Variants in WHRN observed in about 807,000 individuals in gnomAD.
WHRN encodes the protein CASK-interacting protein CIP98.
In WHRN, 41 loss-of-function variants were observed where a neutral mutation model predicts 68.3. The ratio of observed to expected loss-of-function variants is 0.60; its 90% CI spans 0.47 to 0.78. The LOEUF is 0.78. WHRN is among the 30% of genes least tolerant of loss of function. WHRN has a pLI of 0.00. For missense variants in WHRN, 1,243 were observed against 1,244.7 expected, an observed-to-expected ratio of 1.00 and a Z score of 0.02; for synonymous variants, 560 against 561.3, an observed-to-expected ratio of 1.00 and a Z score of 0.03.
At chr9:114,421,521 C>G (rs774681788) in intron 7 of WHRN, among the ~76,000 whole-genome samples, 4 of 152,208 alleles carry the variant, frequency 2.6e-5, no homozygotes, top group Non-Finnish European at 5.9e-5. Flanking sequence ...GCCTCCCAGA[C>G]CAAAACACAT....
chr9:114,499,610 G>A (rs1179459513), intron 1 of WHRN, among the ~76,000 whole-genome samples: 1 of 152,226 alleles, frequency 6.6e-6, no homozygotes, highest in Admixed American at 6.5e-5. Context: ...GCCCTTTGCA[G>A]GATGGAGGGG....
chr9:114,425,483 A>C, intron 4 of WHRN: 1 of 396,644 alleles, frequency 2.5e-6, no homozygotes, highest in Non-Finnish European at 4.5e-6. Context: ...AGCATCCAGA[A>C]ATCCAGTTTT....
Position 114,505,082 on chromosome 9 carries a change from C to T in WHRN, c.-281G>A. On this transcript the variant is annotated 5_prime_UTR_variant, in exon 1 of 12. Transcript: ENST00000362057. ...AGACACAAGAGTTGGCTGCTGGAGC[C>T]CGGAGGTGGCGGAGACTGCTGCTGG... 2 of 387,838 alleles carry T rather than the reference C, an allele frequency of 5.2e-6. No individual in the cohort carries two copies. Among genetic ancestry groups the T allele is most frequent in the Non-Finnish European group, 8.9e-6 (2 of 224,132 alleles). 24.0% of individuals were successfully genotyped at this position (387,838 alleles called of 1,614,324 possible). A position where few individuals can be genotyped will look rare whatever the true frequency, so the allele number is the denominator to read the frequency against.
intron 3 of WHRN, among the ~76,000 whole-genome samples, chr9:114,445,262 A>C (rs890758590): frequency 6.6e-6 from 1 of 152,042 alleles, no homozygotes; most frequent in Non-Finnish European, 1.5e-5. Context: ...GGCTAGTCTC[A>C]AACTCCTGAC....
intron 1 of WHRN, among the ~76,000 whole-genome samples, chr9:114,482,683 T>TAA (rs1329761041): frequency 6.9e-6 from 1 of 145,966 alleles, no homozygotes; most frequent in African/African-American, 2.5e-5. Context: ...CCAAGGAGTT[T>TAA]AAAAAAAAAA....
intron 7 of WHRN, among the ~76,000 whole-genome samples, chr9:114,411,734 G>T (rs1835452069): frequency 6.6e-6 from 1 of 152,170 alleles, no homozygotes; most frequent in African/African-American, 2.4e-5. Context: ...ACCCTGTGAG[G>T]CAGGCACTAG....
intron 7 of WHRN, among the ~76,000 whole-genome samples, chr9:114,413,384 G>A (rs1002999000): frequency 3.9e-5 from 6 of 152,210 alleles, no homozygotes; most frequent in Admixed American, 6.5e-5. Flanking sequence ...GAAAGGCTAC[G>A]GGGGTAGGGA....
At position 114,504,769 on chromosome 9, in the gene WHRN, G is replaced by A; in HGVS notation, c.33C>T (p.Ser11=). 1.3e-6 allele frequency: 2 copies of A among 1,495,930 alleles called. No individual in the cohort carries two copies. The highest frequency in any genetic ancestry group is 1.8e-6 in the Non-Finnish European group (2 of 1,133,824). The allele number at this position is 1,495,930 out of a possible 1,614,324, so 92.7% of individuals were successfully genotyped here. The change falls in exon 1 of 12, where the codon AGC becomes AGT. Residue 11 remains serine, a synonymous_variant. Coordinates refer to ENST00000362057, the MANE Select transcript of WHRN (RefSeq NM_015404.4). The stretch of plus-strand genomic sequence containing the variant: ...AGCCCAGCGAGCCGGTGGAGGACGA[G>A]CTCACCGACAGGCCGTCCAGCGGCG... MNAPLDGLSV[S]SSSTGSLGSA... is the part of the protein sequence containing the mutation.
At chr9:114,493,373 T>TGG (rs1445353883) in intron 1 of WHRN, among the ~76,000 whole-genome samples, 13 of 13,048 alleles carry the variant, frequency 1.0e-3, no homozygotes, top group South Asian at 7.8e-3. Context: ...AAAAAAAAAG[T>TGG]GGGGGTGGGG....
rs760261757 is a variant in WHRN at position 114,504,767 on chromosome 9, G to A, written c.35C>T (p.Ser12Leu). 2.2e-5 allele frequency: 33 copies of A among 1,499,686 alleles called. No homozygotes were observed. The highest frequency in any genetic ancestry group is 4.5e-5 in the Admixed American group (2 of 44,646). 92.9% of individuals were successfully genotyped at this position (1,499,686 alleles called of 1,614,324 possible). A position where few individuals can be genotyped will look rare whatever the true frequency, so the allele number is the denominator to read the frequency against. ...NAPLDGLSVSSSSTGSLGSAA... is the reference protein window; with the variant it reads ...NAPLDGLSVSLSSTGSLGSAA... ...CGAGCCCAGCGAGCCGGTGGAGGAC[G>A]AGCTCACCGACAGGCCGTCCAGCGG... Residue 12 changes from serine (S) to leucine (L), a missense_variant, in exon 1 of 12, where the codon TCG (serine) becomes TTG (leucine). Physicochemically the swap from Ser to Leu is moderately radical, Grantham distance 145. Coordinates refer to ENST00000362057, the MANE Select transcript of WHRN (RefSeq NM_015404.4).
chr9:114,443,654 C>A (rs1159158293), intron 3 of WHRN, among the ~76,000 whole-genome samples: 2 of 152,170 alleles, frequency 1.3e-5, no homozygotes. Context: ...AACATAGTCA[C>A]AGGTTCTGAG....
At chr9:114,403,761 C>A in intron 10 of WHRN, 135 bp downstream of exon 10, 4 of 1,138,230 alleles carry the variant, frequency 3.5e-6, no homozygotes, top group Non-Finnish European at 5.2e-6. Flanking sequence ...ACGTCCAAAT[C>A]CCTCCAGTTA....
At chr9:114,442,595 G>A (rs997736105) in intron 3 of WHRN, among the ~76,000 whole-genome samples, 3 of 152,158 alleles carry the variant, frequency 2.0e-5, no homozygotes, top group Admixed American at 6.5e-5. Flanking sequence ...CTGGGTCATG[G>A]GGGTGGATCC....
chr9:114,483,732 C>T (rs1842272808), intron 1 of WHRN, among the ~76,000 whole-genome samples: 1 of 152,204 alleles, frequency 6.6e-6, no homozygotes, highest in African/African-American at 2.4e-5. Context: ...GTTACTTCTC[C>T]CCTTGCTAGG....
chr9:114,480,813 A>T (rs949470936), intron 1 of WHRN, among the ~76,000 whole-genome samples: 3 of 152,234 alleles, frequency 2.0e-5, no homozygotes, highest in African/African-American at 7.2e-5. Flanking sequence ...GCTATAAATC[A>T]TGTCTTATAG....
chr9:114,461,340 G>T (rs1292834165), intron 3 of WHRN, among the ~76,000 whole-genome samples: 1 of 152,188 alleles, frequency 6.6e-6, no homozygotes, highest in Admixed American at 6.5e-5. Flanking sequence ...GTCCGGCATA[G>T]ATGTTTCTCT....
intron 1 of WHRN, among the ~76,000 whole-genome samples, chr9:114,484,670 T>A (rs146349886): frequency 1.3e-5 from 2 of 152,250 alleles, no homozygotes; most frequent in Non-Finnish European, 2.9e-5. Context: ...CATAGAGAAA[T>A]CTCGATCTGA....
In WHRN at chr9:114,423,436, A is replaced by C; in HGVS notation, c.1504T>G (p.Ser502Ala). 2 of 1,613,886 alleles carry C rather than the reference A, an allele frequency of 1.2e-6. No individual in the cohort carries two copies. Among genetic ancestry groups the C allele is most frequent in the Non-Finnish European group, 1.7e-6 (2 of 1,179,950 alleles). ...CCTGGGGGCTGCCGCGCCTTCATGG[A>C]CTCAATCTCACGCCTCAGCACCAGG... ...DHLVLRREIE[S>A]MKARQPPGPG... The change falls in exon 7 of 12, where the codon TCC becomes GCC. Residue 502 changes from serine to alanine, a missense_variant. By Grantham distance (99) the Ser-to-Ala change is moderately conservative. Transcript: ENST00000362057.
intron 1 of WHRN, among the ~76,000 whole-genome samples, chr9:114,487,608 T>C (rs1315642234): frequency 6.6e-6 from 1 of 152,224 alleles, no homozygotes; most frequent in Non-Finnish European, 1.5e-5. Flanking sequence ...AACATCCTTG[T>C]ATGTGCCATC....
Sources: allele counts gnomAD v4.1 joint callset (sites outside exome capture counted in the v4.1 genomes callset), GRCh38; gene constraint gnomAD v4.1.1; transcripts MANE v1.5; gene names NCBI Gene and HGNC (gene_info 2026-07-23, HGNC 2026-07-21).